The following PRDM16 variants were observed in gnomAD, a reference collection of about 807,000 sequenced individuals.
PRDM16 encodes histone-lysine N-methyltransferase PRDM16.
In PRDM16, 23 loss-of-function variants were observed where a neutral mutation model predicts 110.6. The observed-to-expected ratio is 0.21, with a 90% CI of 0.15 to 0.29. PRDM16 has a LOEUF of 0.29. PRDM16 is among the 10% of genes least tolerant of loss of function. The probability of loss-of-function intolerance (pLI) is 1.00; values close to 1 mark genes in which losing one functional copy is unlikely to be tolerated. For missense variants in PRDM16, 1,615 were observed against 1,794.3 expected (o/e 0.90, Z 1.81); for synonymous variants, 799 against 781.8 (o/e 1.02, Z -0.37).
chr1:3,255,669 G>A lies in PRDM16; in HGVS notation c.438+11532G>A, dbSNP rs548205027. ...GCAGCAGGGCTTGGTCCACCCTGGC[G>A]GTTGGGCCCAGTTTGTCCTGACTGC... On this transcript the variant is annotated intron_variant, in intron 3 of 16. Coordinates refer to ENST00000270722, the MANE Select transcript of PRDM16 (RefSeq NM_022114.4). The surrounding 1 kb of genome is among the most constrained non-coding windows in gnomAD (Gnocchi z 4.7). Among the ~76,000 whole-genome samples the A allele has an allele frequency of 7.2e-5, 11 of 152,314 alleles. No homozygotes were observed. Among genetic ancestry groups the A allele is most frequent in the Admixed American group, 4.6e-4 (7 of 15,302 alleles).
intron 3 of PRDM16, among the ~76,000 whole-genome samples, chr1:3,348,477 G>A (rs1349881574): frequency 2.0e-5 from 3 of 152,222 alleles, no homozygotes; most frequent in African/African-American, 7.2e-5. Flanking sequence ...ACAAAGAGCT[G>A]TCTTCATTGA....
intron 16 of PRDM16, 152 bp downstream of exon 16, chr1:3,432,292 G>A (rs1201998012): frequency 6.5e-6 from 4 of 613,318 alleles, no homozygotes; most frequent in African/African-American, 5.6e-5. Flanking sequence ...AGGCCCCAGC[G>A]ACCACCGCCC....
chr1:3,317,569 CT>C lies in PRDM16; in HGVS notation c.439-67582del, dbSNP rs533080701. ...CCCACTCCCTCTCAGTGCCTGACTTCTGAAAGCAAAGCCATCACGTGGGCCG... is the reference window on the plus strand; with the variant it reads ...CCCACTCCCTCTCAGTGCCTGACTTCGAAAGCAAAGCCATCACGTGGGCCG... On this transcript the variant is annotated intron_variant, in intron 3 of 16. Transcript: ENST00000270722. Among the ~76,000 whole-genome samples, 45 of 152,346 alleles carry C rather than the reference CT, an allele frequency of 3.0e-4. 1 individual carries two copies. In the South Asian group the frequency reaches 4.8e-3, roughly 16 times the overall value.
chr1:3,070,363 G>C (rs1641719860), intron 1 of PRDM16, among the ~76,000 whole-genome samples: 1 of 147,716 alleles, frequency 6.8e-6, no homozygotes, highest in Non-Finnish European at 1.5e-5. Flanking sequence ...CCGCAGCCCC[G>C]GTCGCCGGCG....
intron 1 of PRDM16, among the ~76,000 whole-genome samples, chr1:3,129,988 C>T (rs570995343): frequency 6.0e-4 from 92 of 152,318 alleles, no homozygotes; most frequent in South Asian, 1.0e-3. Context: ...GCCAAGGCGA[C>T]CAGCTGGGCT....
chr1:3,168,744 C>T (rs1463632490), intron 1 of PRDM16, among the ~76,000 whole-genome samples: 1 of 152,164 alleles, frequency 6.6e-6, no homozygotes, highest in Non-Finnish European at 1.5e-5. Flanking sequence ...GGAGTGGGGG[C>T]CCGTGTTTCC....
intron 2 of PRDM16, among the ~76,000 whole-genome samples, chr1:3,198,793 C>T (rs542515887): frequency 5.3e-5 from 8 of 152,220 alleles, no homozygotes; most frequent in East Asian, 1.9e-4. Flanking sequence ...GAGTTCCTTC[C>T]TTCTGGGCTA....
intron 1 of PRDM16, among the ~76,000 whole-genome samples, chr1:3,075,830 G>A (rs557592012): frequency 1.3e-5 from 2 of 152,336 alleles, no homozygotes; most frequent in Non-Finnish European, 2.9e-5. Flanking sequence ...AACCCCACTC[G>A]TCAGGCGGAG....
In PRDM16 at chr1:3,408,896, G is replaced by A. The variant is rs532715502; in HGVS notation, c.1187-2488G>A. 2.4e-4 allele frequency among the ~76,000 whole-genome samples: 36 copies of A among 150,444 alleles called. 1 individual carries two copies. The South Asian group carries it at 3.6e-3, about 15-fold the overall frequency. ...AGCTGGTGCGTGTGTGTGTGAGAGC[G>A]CATGAGGGTGGGCGTGTGAGCCAGT... On this transcript the variant is annotated intron_variant, in intron 8 of 16. Coordinates refer to ENST00000270722, the MANE Select transcript of PRDM16 (RefSeq NM_022114.4).
chr1:3,164,413 C>G (rs535080554), intron 1 of PRDM16, among the ~76,000 whole-genome samples: 1 of 152,216 alleles, frequency 6.6e-6, no homozygotes, highest in Non-Finnish European at 1.5e-5. Flanking sequence ...TTTCCCAGCT[C>G]GCTCGGACCC....
At chr1:3,429,244 G>A (rs1314391832) in intron 14 of PRDM16, among the ~76,000 whole-genome samples, 1 of 152,270 alleles carries the variant, frequency 6.6e-6, no homozygotes, top group Non-Finnish European at 1.5e-5. Context: ...GTGGGGCTTG[G>A]TTTGGGCAGC....
intron 3 of PRDM16, among the ~76,000 whole-genome samples, chr1:3,371,761 G>A (rs1642912622): frequency 6.6e-6 from 1 of 152,264 alleles, no homozygotes; most frequent in Non-Finnish European, 1.5e-5. Flanking sequence ...AGTGTGAAAG[G>A]AGTCAGGTGG....
intron 1 of PRDM16, among the ~76,000 whole-genome samples, chr1:3,117,838 C>A (rs1166217140): frequency 2.6e-5 from 4 of 152,136 alleles, no homozygotes; most frequent in Non-Finnish European, 5.9e-5. Flanking sequence ...GAGGCCTCCG[C>A]ACATTCATGT....
rs553485583 is a variant in PRDM16, at chr1:3,166,854, G to A, written c.38-19271G>A. On this transcript the variant is annotated intron_variant, in intron 1 of 16. Coordinates refer to ENST00000270722, the MANE Select transcript of PRDM16 (RefSeq NM_022114.4). Reference sequence around the variant, plus strand: ...AAGCTCACTGTGTCTGGCGCTGGCCGTGCACCCTGGTTCAATTGCTCTGTC... The same window carrying A: ...AAGCTCACTGTGTCTGGCGCTGGCCATGCACCCTGGTTCAATTGCTCTGTC... 3.9e-5 allele frequency among the ~76,000 whole-genome samples: 6 copies of A among 152,322 alleles called. No individual in the cohort carries two copies. The South Asian group carries it at 8.3e-4, about 21-fold the overall frequency.
intron 2 of PRDM16, among the ~76,000 whole-genome samples, chr1:3,236,823 T>G (rs1018686160): frequency 6.6e-6 from 1 of 152,192 alleles, no homozygotes; most frequent in African/African-American, 2.4e-5. Flanking sequence ...ATAGCCTTGC[T>G]CGTGGGTGTG....
intron 2 of PRDM16, among the ~76,000 whole-genome samples, chr1:3,202,953 A>T (rs113382454): frequency 6.6e-6 from 1 of 152,202 alleles, no homozygotes; most frequent in Non-Finnish European, 1.5e-5. Context: ...GTGTGGGGGA[A>T]GGAGTTTTCT....
intron 3 of PRDM16, among the ~76,000 whole-genome samples, chr1:3,362,335 A>G: frequency 6.6e-6 from 1 of 152,142 alleles, no homozygotes; most frequent in Non-Finnish European, 1.5e-5. Context: ...TGCATGGGAC[A>G]CCCAGGCGTC....
At chr1:3,250,309 G>A (rs1021001147) in intron 3 of PRDM16, among the ~76,000 whole-genome samples, 4 of 152,224 alleles carry the variant, frequency 2.6e-5, no homozygotes, top group Middle Eastern at 6.8e-3. Context: ...TCGCCACCTC[G>A]CCACACCTGA....
chr1:3,239,902 A>G (rs2455112), intron 2 of PRDM16, among the ~76,000 whole-genome samples: 62,976 of 151,420 alleles, frequency 0.42, 18,719 homozygotes, highest in African/African-American at 0.85. Context: ...GTGAGCTGAT[A>G]GAGCCACTGC....
Sources: allele counts gnomAD v4.1 joint callset (sites outside exome capture counted in the v4.1 genomes callset), GRCh38; gene constraint gnomAD v4.1.1; non-coding constraint Gnocchi (gnomAD v3.1); transcripts MANE v1.5; gene names NCBI Gene and HGNC (gene_info 2026-07-23, HGNC 2026-07-21).